SPATA1: variants seen among roughly 807,000 people sequenced by gnomAD.
SPATA1 encodes the protein spermatogenesis associated 1.
Under a neutral mutation model 59.6 loss-of-function variants are expected in SPATA1, and 57 were observed. That is an observed-to-expected ratio of 0.96 (90% CI 0.77 to 1.19). The LOEUF is 1.19. Ranked by LOEUF, SPATA1 falls within the 50% of genes most tolerant of loss-of-function variation. SPATA1 has a pLI of 0.00. For synonymous variants in SPATA1, 147 were observed against 163.9 expected (o/e 0.90, Z 0.79); for missense variants, 448 against 480.7 (o/e 0.93, Z 0.64).
chr1:84,522,248 T>A, intron 3 of SPATA1, 142 bp from the exon 4 acceptor site: 1 of 425,918 alleles, frequency 2.3e-6, no homozygotes, highest in Non-Finnish European at 4.2e-6. Context: ...ATGCCGGCAA[T>A]GTGGAAACAT....
At chr1:84,546,028 A>C (rs1157096108) in intron 10 of SPATA1, among the ~76,000 whole-genome samples, 1 of 152,202 alleles carries the variant, frequency 6.6e-6, no homozygotes, top group East Asian at 1.9e-4. Context: ...TCTTCTATTC[A>C]TTTATCAAAT....
chr1:84,534,759 G>A (rs1433328160), intron 8 of SPATA1, among the ~76,000 whole-genome samples: 3 of 152,030 alleles, frequency 2.0e-5, no homozygotes, highest in African/African-American at 7.2e-5. Flanking sequence ...TTTCAGATGA[G>A]AAAACGAAAA....
intron 6 of SPATA1, among the ~76,000 whole-genome samples, chr1:84,531,552 C>A (rs1683468219): frequency 6.7e-6 from 1 of 148,566 alleles, no homozygotes; most frequent in South Asian, 2.1e-4. Flanking sequence ...CTCCAGGTTG[C>A]ACAATAGTTT....
chr1:84,563,910 A>C, intron 4 of SPATA1: 1 of 1,429,416 alleles, frequency 7.0e-7, no homozygotes, highest in South Asian at 1.8e-5. Context: ...GCAACCGTTC[A>C]GAATCTGTTT....
chr1:84,529,576 CTTT>C (rs761561650), intron 6 of SPATA1, among the ~76,000 whole-genome samples: 4 of 91,360 alleles, frequency 4.4e-5, no homozygotes, highest in Admixed American at 1.5e-4. Context: ...GGTAATATGC[CTTT>C]TTTTTTTTTT....
chr1:84,554,830 T>C (rs1213079974), downstream of SPATA1: 9 of 572,774 alleles, frequency 1.6e-5, no homozygotes, highest in Non-Finnish European at 2.4e-5. Context: ...TCCTGGATAC[T>C]GAGGACATTC....
At chr1:84,506,605 G>A (rs1410682956) in intron 1 of SPATA1, 187 bp downstream of exon 1, 1 of 152,918 alleles carries the variant, frequency 6.5e-6, no homozygotes, top group African/African-American at 2.4e-5. Flanking sequence ...TGAGGCGTAG[G>A]AGCTACTGTG....
chr1:84,559,704 G>T (rs1024470895), intron 4 of SPATA1, among the ~76,000 whole-genome samples: 6 of 152,170 alleles, frequency 3.9e-5, no homozygotes, highest in Non-Finnish European at 5.9e-5. Flanking sequence ...AAAAGAGGAA[G>T]AAAATAGTTA....
intron 8 of SPATA1, among the ~76,000 whole-genome samples, chr1:84,541,494 G>C (rs1683901226): frequency 6.6e-6 from 1 of 151,460 alleles, no homozygotes; most frequent in East Asian, 1.9e-4. Flanking sequence ...GTTCCATCTT[G>C]GAACACCTGC....
exon 10 of SPATA1, chr1:84,545,658 A>C (rs1001862516): frequency 6.6e-7 from 1 of 1,519,208 alleles, no homozygotes; most frequent in Non-Finnish European, 8.8e-7. Flanking sequence ...AAACAAATGA[A>C]ACAAGTAAAG....
chr1:84,529,912 A>C (rs1401831049), intron 6 of SPATA1, among the ~76,000 whole-genome samples: 1 of 149,278 alleles, frequency 6.7e-6, no homozygotes, highest in African/African-American at 2.5e-5. Context: ...GCTGGAGTGC[A>C]GTGGCACAAT....
intron 1 of SPATA1, among the ~76,000 whole-genome samples, chr1:84,514,560 T>G (rs58339631): frequency 0.059 from 8,930 of 152,222 alleles, 409 homozygotes; most frequent in African/African-American, 0.12. Context: ...CATTGCAGAT[T>G]TCAGATTTTA....
Position 84,550,824 on chromosome 1 carries a change from A to G in SPATA1, c.1224+294A>G, listed in dbSNP as rs1005134129. 9 of 1,007,224 alleles carry G rather than the reference A, an allele frequency of 8.9e-6. No individual in the cohort carries two copies. In the South Asian group the frequency reaches 3.7e-4, roughly 41 times the overall value. 62.4% of individuals were successfully genotyped at this position (1,007,224 alleles called of 1,614,324 possible). ...TATATTCTCAAAAAAAATTTTAAGT[A>G]GTTTTCCTGTATTAGAATTATTAAG... On this transcript the variant is annotated intron_variant, in intron 12 of 12. Coordinates refer to ENST00000490879, the Ensembl canonical transcript of SPATA1.
chr1:84,525,654 T>C, intron 4 of SPATA1, 42 bp from the exon 5 acceptor site: 1 of 1,524,064 alleles, frequency 6.6e-7, no homozygotes, highest in Non-Finnish European at 8.8e-7. Flanking sequence ...TTGAAAAAAA[T>C]GTAGCAAAAG....
At chr1:84,554,710 T>A (rs1304375235), downstream of SPATA1, 2 of 264,582 alleles carry the variant, frequency 7.6e-6, no homozygotes, top group Non-Finnish European at 1.4e-5. Context: ...TGAAGGGAAA[T>A]ATGGCATAAT....
rs201709287 is a variant in SPATA1, at chr1:84,526,125, A to G, written c.544+52A>G. ...GAAAGAGGCTATTATAGTACATTTT[A>G]GCAGTCAAGTCTGTAAGCAAACCCT... is the stretch of plus-strand genomic sequence containing the variant. On this transcript the variant is annotated intron_variant, in intron 6 of 12. Transcript: ENST00000490879. 7.8e-4 allele frequency: 1,148 copies of G among 1,480,360 alleles called. 1 individual carries two copies. The highest frequency in any genetic ancestry group is 1.0e-3 in the Non-Finnish European group (1,090 of 1,083,854). 91.7% of individuals were successfully genotyped at this position (1,480,360 alleles called of 1,614,324 possible). A position where few individuals can be genotyped will look rare whatever the true frequency, so the allele number is the denominator to read the frequency against.
chr1:84,548,738 C>T (rs781038517), intron 10 of SPATA1, 48 bp from the exon 11 acceptor site: 26 of 1,371,090 alleles, frequency 1.9e-5, no homozygotes, highest in African/African-American at 1.8e-4. Context: ...AATACTCAAA[C>T]GAAGGCCTTT....
At chr1:84,531,311 T>A (rs1050207345) in intron 6 of SPATA1, among the ~76,000 whole-genome samples, 39 of 151,668 alleles carry the variant, frequency 2.6e-4, no homozygotes, top group African/African-American at 8.7e-4. Flanking sequence ...TACAGGCACG[T>A]GCCACCACAC....
intron 8 of SPATA1, among the ~76,000 whole-genome samples, chr1:84,541,065 G>T (rs1683882871): frequency 6.6e-6 from 1 of 152,176 alleles, no homozygotes; most frequent in South Asian, 2.1e-4. Flanking sequence ...TGCTTTATAT[G>T]TTACTATTTA....
Sources: allele counts gnomAD v4.1 joint callset (sites outside exome capture counted in the v4.1 genomes callset), GRCh38; gene constraint gnomAD v4.1.1; transcripts MANE v1.5; gene names NCBI Gene and HGNC (gene_info 2026-07-23, HGNC 2026-07-21).